FER1L5: variants seen among roughly 807,000 people sequenced by gnomAD.
FER1L5 encodes fer-1 like family member 5.
FER1L5 carries 187 observed loss-of-function variants against 279.9 expected under a neutral mutation model. The ratio of observed to expected loss-of-function variants is 0.67; its 90% CI spans 0.59 to 0.75. The LOEUF is 0.75. FER1L5 is among the 30% of genes least tolerant of loss of function. The pLI is 0.00. For synonymous variants in FER1L5, 921 were observed against 989.7 expected, an observed-to-expected ratio of 0.93 and a Z score of 1.30; for missense variants, 2,091 against 2,594.4, an observed-to-expected ratio of 0.81 and a Z score of 4.21.
At chr2:96,643,336 A>G (rs1045481292) in intron 1 of FER1L5, among the ~76,000 whole-genome samples, 1 of 152,132 alleles carries the variant, frequency 6.6e-6, no homozygotes, top group Non-Finnish European at 1.5e-5. Flanking sequence ...TTGACAAGGC[A>G]TTATTATTAT....
chr2:96,646,232 T>C (rs890547167), intron 1 of FER1L5, among the ~76,000 whole-genome samples, 169 bp from the exon 2 acceptor site: 4 of 152,060 alleles, frequency 2.6e-5, no homozygotes, highest in Non-Finnish European at 4.4e-5. Flanking sequence ...TCTCCTGACC[T>C]CGTGATCTGC....
Position 96,702,987 on chromosome 2 carries a change from T to C in FER1L5, c.5407T>C (p.Trp1803Arg), listed in dbSNP as rs765011682. The C allele has an allele frequency of 2.5e-6, 4 of 1,611,994 alleles. No individual in the cohort carries two copies. The highest frequency in any genetic ancestry group is 1.7e-5 in the Admixed American group (1 of 59,758). The change falls in exon 49 of 53, where the codon TGG becomes CGG. Residue 1803 changes from tryptophan to arginine, a missense_variant. Physicochemically the swap from Trp to Arg is moderately radical, Grantham distance 101. Transcript: ENST00000624922. The surrounding 1 kb of genome is among the most constrained non-coding windows in gnomAD (Gnocchi z 4.0). ...TCVQSQKDYIWSLDATSMKFP... is the reference protein window; with the variant it reads ...TCVQSQKDYIRSLDATSMKFP... ...TCCGCCATTTCCCCAGGATTACATA[T>C]GGAGCCTGGATGCCACGTCCATGAA...
At chr2:96,678,253 C>T (rs1308196691) in intron 19 of FER1L5, among the ~76,000 whole-genome samples, 1 of 151,592 alleles carries the variant, frequency 6.6e-6, no homozygotes, top group African/African-American at 2.4e-5. Context: ...CTCAGCCCCA[C>T]CAAGTAGCTG....
rs749950 is a variant in FER1L5 at position 96,647,737 on chromosome 2, C to A, written c.231-41C>A. ...CCCGGGAGAGAAGAGGACACTCTTT[C>A]CCCTGGCTCAGGATCTCACATCTGC... On this transcript the variant is annotated intron_variant, in intron 3 of 52. Transcript: ENST00000624922. 2.8e-3 allele frequency: 4,041 copies of A among 1,430,090 alleles called. 98 individuals carry two copies. The African/African-American group carries it at 0.051, about 18-fold the overall frequency. 88.6% of individuals were successfully genotyped at this position (1,430,090 alleles called of 1,614,324 possible). A position where few individuals can be genotyped will look rare whatever the true frequency, so the allele number is the denominator to read the frequency against.
chr2:96,701,809 G>A (rs1021902864), intron 45 of FER1L5, 146 bp from the exon 46 acceptor site: 18 of 682,480 alleles, frequency 2.6e-5, no homozygotes, highest in East Asian at 1.3e-4. Context: ...GGTCACCTGC[G>A]GCCTCACAGA....
At chr2:96,673,751 C>T (rs2076412594) in intron 19 of FER1L5, among the ~76,000 whole-genome samples, 1 of 152,200 alleles carries the variant, frequency 6.6e-6, no homozygotes, top group Non-Finnish European at 1.5e-5. Context: ...GGGCCAGCAG[C>T]ATCCGCATCA....
chr2:96,678,082 C>T (rs1296272683), intron 19 of FER1L5, among the ~76,000 whole-genome samples: 1 of 151,734 alleles, frequency 6.6e-6, no homozygotes, highest in Admixed American at 6.6e-5. Flanking sequence ...ATCTGCATTT[C>T]ATGTAATGAC....
In FER1L5 at chr2:96,661,337, TAAGGAAA is replaced by T. The variant is rs1346228277; in HGVS notation, c.792_798del (p.Arg265GlyfsTer2). ...TCTGCCTCTCTAGGTCACACACTCCTAAGGAAATGGCTAGGCCTCTGCCAGCCAAATA... is the reference window on the plus strand; with the variant it reads ...TCTGCCTCTCTAGGTCACACACTCCTTGGCTAGGCCTCTGCCAGCCAAATA... On this transcript the variant is annotated frameshift_variant, in exon 11 of 53. Transcript: ENST00000624922. LOFTEE classifies it high-confidence loss of function. 1 of 1,550,008 alleles carries T rather than the reference TAAGGAAA, an allele frequency of 6.5e-7. No homozygotes were observed. Among genetic ancestry groups the T allele is most frequent in the Non-Finnish European group, 8.7e-7 (1 of 1,146,436 alleles).
intron 9 of FER1L5, 54 bp from the exon 10 acceptor site, chr2:96,660,287 A>G: frequency 6.5e-7 from 1 of 1,549,220 alleles, no homozygotes; most frequent in Non-Finnish European, 8.7e-7. Flanking sequence ...AGTTGGTATT[A>G]CAAATCTTGG....
In FER1L5 at chr2:96,662,211, A is replaced by T; in HGVS notation, c.1019-4A>T. On this transcript the variant is annotated splice_region_variant and splice_polypyrimidine_tract_variant and intron_variant, in intron 12 of 52. Coordinates refer to ENST00000624922, the MANE Select transcript of FER1L5 (RefSeq NM_001293083.2). ...TCAGATATCTTTTAACTTGTTGTTC[A>T]TAGAGAAACACCAGTCAGTGAATCC... The T allele has an allele frequency of 6.4e-7, 1 of 1,551,594 alleles. No individual in the cohort carries two copies. The highest frequency in any genetic ancestry group is 8.7e-7 in the Non-Finnish European group (1 of 1,146,924).
At chr2:96,643,999 C>CTATTTTA (rs2075003475) in intron 1 of FER1L5, among the ~76,000 whole-genome samples, 1 of 150,530 alleles carries the variant, frequency 6.6e-6, no homozygotes, top group African/African-American at 2.4e-5. Flanking sequence ...CGGTGAAACC[C>CTATTTTA]TATCTTTATT....
chr2:96,655,185 G>C (rs773101781), intron 9 of FER1L5, among the ~76,000 whole-genome samples: 1 of 152,106 alleles, frequency 6.6e-6, no homozygotes, highest in Non-Finnish European at 1.5e-5. Flanking sequence ...TACATGTTAG[G>C]GAAACTCAGA....
intron 9 of FER1L5, among the ~76,000 whole-genome samples, chr2:96,656,397 G>A (rs2075601868): frequency 2.0e-5 from 3 of 152,226 alleles, no homozygotes; most frequent in Admixed American, 2.0e-4. Context: ...AGCACTTTGG[G>A]AGGTCAAGGC....
At chr2:96,651,777 G>C in intron 6 of FER1L5, 115 bp from the exon 7 acceptor site, 1 of 1,445,916 alleles carries the variant, frequency 6.9e-7, no homozygotes, top group Non-Finnish European at 9.4e-7. Context: ...AAAGTGCTGG[G>C]ATTACAGGCA....
At chr2:96,652,167 T>C in intron 7 of FER1L5, 147 bp downstream of exon 7, 1 of 1,150,400 alleles carries the variant, frequency 8.7e-7, no homozygotes, top group South Asian at 1.5e-5. Flanking sequence ...GGCCAAGCAC[T>C]GAAAATACAG....
intron 7 of FER1L5, chr2:96,652,292 T>G: frequency 2.2e-6 from 1 of 460,064 alleles, no homozygotes; most frequent in East Asian, 3.8e-5. Flanking sequence ...GGTCTGGGAG[T>G]ATTGCTATTG....
At position 96,647,850 on chromosome 2, in the gene FER1L5, C is replaced by T. The variant is rs147475359; in HGVS notation, c.303C>T (p.Asp101=). The change falls in exon 4 of 53, where the codon GAC becomes GAT. Residue 101 remains aspartate (D), a synonymous_variant. Coordinates refer to ENST00000624922, the MANE Select transcript of FER1L5 (RefSeq NM_001293083.2). Reference sequence around the variant, plus strand: ...CAAGTGAGGTCCTTTTTGTGAAGGACTTGACCCTGCTCAACCATTCCATGA... The same window carrying T: ...CAAGTGAGGTCCTTTTTGTGAAGGATTTGACCCTGCTCAACCATTCCATGA... The part of the protein sequence containing the change: ...KQPSEVLFVK[D]LTLLNHSMKP... The T allele has an allele frequency of 5.9e-5, 91 of 1,551,844 alleles. No homozygotes were observed. The highest frequency in any genetic ancestry group is 9.8e-5 in the Admixed American group (5 of 50,996).
chr2:96,702,762 G>A lies in FER1L5; in HGVS notation c.5397+21G>A, dbSNP rs1236751182. 4.3e-6 allele frequency: 7 copies of A among 1,610,832 alleles called. No individual in the cohort carries two copies. The highest frequency in any genetic ancestry group is 1.7e-5 in the Admixed American group (1 of 59,668). ...AGAAGGTAACAGGCCTGGGGCGTGAGGGGCAACAGGCCACAACAAACAGAC... is the reference window on the plus strand; with the variant it reads ...AGAAGGTAACAGGCCTGGGGCGTGAAGGGCAACAGGCCACAACAAACAGAC... On this transcript the variant is annotated intron_variant, in intron 48 of 52. Coordinates refer to ENST00000624922, the MANE Select transcript of FER1L5 (RefSeq NM_001293083.2). This position sits in a 1 kb window ranked among gnomAD's most constrained non-coding sequence, Gnocchi z 4.0.
rs1558853256 is a variant in FER1L5 at position 96,659,344 on chromosome 2, TCCTTCCTTCCTTCCTTCC to T, written c.748-996_748-979del. Among the ~76,000 whole-genome samples, 50 of 84,884 alleles carry T rather than the reference TCCTTCCTTCCTTCCTTCC, an allele frequency of 5.9e-4. 1 individual carries two copies. The highest frequency in any genetic ancestry group is 7.8e-4 in the Non-Finnish European group (35 of 44,888). 55.7% of individuals were successfully genotyped at this position (84,884 alleles called of 152,430 possible). On this transcript the variant is annotated intron_variant, in intron 9 of 52. Coordinates refer to ENST00000624922, the MANE Select transcript of FER1L5 (RefSeq NM_001293083.2). ...TTCCTTCCTTCCTTCCTTCCTTCCT[TCCTTCCTTCCTTCCTTCC>T]TTCTTTCTTTCTTTCTTTCTTTCTT...
Sources: allele counts gnomAD v4.1 joint callset (sites outside exome capture counted in the v4.1 genomes callset), GRCh38; gene constraint gnomAD v4.1.1; non-coding constraint Gnocchi (gnomAD v3.1); transcripts MANE v1.5; gene names NCBI Gene and HGNC (gene_info 2026-07-23, HGNC 2026-07-21).